The following CAMTA1 variants were observed in gnomAD, a reference collection of about 807,000 sequenced individuals.
CAMTA1 encodes the protein calmodulin binding transcription activator 1.
Under a neutral mutation model 170.9 loss-of-function variants are expected in CAMTA1, and 27 were observed. That is an observed-to-expected ratio of 0.16 (90% CI 0.12 to 0.22). CAMTA1 has a LOEUF of 0.22. CAMTA1 is among the 10% of genes least tolerant of loss of function. CAMTA1 has a pLI of 1.00. For missense variants in CAMTA1, 1,619 were observed against 2,217.2 expected (o/e 0.73, Z 5.42); for synonymous variants, 833 against 891.5 (o/e 0.93, Z 1.17).
At chr1:7,177,551 C>T (rs1210970085) in intron 4 of CAMTA1, among the ~76,000 whole-genome samples, 2 of 149,722 alleles carry the variant, frequency 1.3e-5, no homozygotes, top group Middle Eastern at 3.3e-3. Context: ...AGACCCCTCC[C>T]ACATACTGAG....
chr1:6,914,808 C>T (rs1358423555), intron 3 of CAMTA1, among the ~76,000 whole-genome samples: 1 of 152,238 alleles, frequency 6.6e-6, no homozygotes, highest in African/African-American at 2.4e-5. Context: ...GGATGTTACT[C>T]TGCGTTTTTT....
chr1:7,280,729 G>T (rs763542546), intron 5 of CAMTA1, among the ~76,000 whole-genome samples: 1 of 152,154 alleles, frequency 6.6e-6, no homozygotes, highest in Non-Finnish European at 1.5e-5. Flanking sequence ...CTATAGTTGC[G>T]CATTTTTCAT....
chr1:7,695,637 G>A (rs1158534548), intron 11 of CAMTA1, among the ~76,000 whole-genome samples: 5 of 152,146 alleles, frequency 3.3e-5, no homozygotes, highest in Admixed American at 3.3e-4. Flanking sequence ...ATTGGTTCCA[G>A]AGCCAGTGAG....
chr1:7,264,300 G>A (rs767557772), intron 5 of CAMTA1, among the ~76,000 whole-genome samples: 4 of 152,186 alleles, frequency 2.6e-5, no homozygotes, highest in Non-Finnish European at 4.4e-5. Flanking sequence ...TTGTGGAAGT[G>A]AAGTCAGTTG....
intron 5 of CAMTA1, among the ~76,000 whole-genome samples, chr1:7,430,560 A>T (rs539751925): frequency 1.3e-5 from 2 of 151,998 alleles, no homozygotes; most frequent in Non-Finnish European, 2.9e-5. Context: ...GAGGATGACG[A>T]TGATGGGGAT....
Position 7,751,375 on chromosome 1 carries a change from T to C in CAMTA1, c.4866T>C (p.Ile1622=), listed in dbSNP as rs2096896073. ...KRRQARRTAV[I]VQQKLRSSLL... is the part of the protein sequence containing the mutation. ...GGCAGGCTCGCCGGACGGCTGTGAT[T>C]GTACAACAGAAACTCAGGTGGGTGG... Residue 1622 remains isoleucine, a synonymous_variant, in exon 20 of 23, where the codon ATT becomes ATC. Transcript: ENST00000303635. 6.3e-7 allele frequency: 1 copy of C among 1,597,006 alleles called. No homozygotes were observed. The highest frequency in any genetic ancestry group is 1.1e-5 in the South Asian group (1 of 88,448).
At chr1:7,083,441 TG>T (rs1030128873) in intron 3 of CAMTA1, among the ~76,000 whole-genome samples, 3 of 152,084 alleles carry the variant, frequency 2.0e-5, no homozygotes, top group African/African-American at 7.2e-5. Flanking sequence ...GACCTGTGGG[TG>T]GGGGGTCCGG....
chr1:7,011,543 CCT>C (rs1189184066), intron 3 of CAMTA1, among the ~76,000 whole-genome samples: 1 of 152,132 alleles, frequency 6.6e-6, no homozygotes, highest in Non-Finnish European at 1.5e-5. Flanking sequence ...GCGGGGGGGC[CCT>C]CTCCTCATTC....
At chr1:6,908,111 G>A (rs1678941441) in intron 3 of CAMTA1, among the ~76,000 whole-genome samples, 1 of 152,138 alleles carries the variant, frequency 6.6e-6, no homozygotes, top group African/African-American at 2.4e-5. Flanking sequence ...CCTGTGACTT[G>A]AGAACCCCTT....
At chr1:7,315,312 G>T (rs1166625058) in intron 5 of CAMTA1, among the ~76,000 whole-genome samples, 1 of 152,218 alleles carries the variant, frequency 6.6e-6, no homozygotes, top group Non-Finnish European at 1.5e-5. Context: ...GATAGGCCTT[G>T]GCCTGACTCT....
Position 7,565,711 on chromosome 1 carries a change from T to C in CAMTA1, c.511-74689T>C, listed in dbSNP as rs971438338. Among the ~76,000 whole-genome samples, 4 of 152,108 alleles carry C rather than the reference T, an allele frequency of 2.6e-5. No homozygotes were observed. The highest frequency in any genetic ancestry group is 5.9e-5 in the Non-Finnish European group (4 of 68,020). On this transcript the variant is annotated intron_variant, in intron 6 of 22. Coordinates refer to ENST00000303635, the MANE Select transcript of CAMTA1 (RefSeq NM_015215.4). The surrounding 1 kb of genome is among the most constrained non-coding windows in gnomAD (Gnocchi z 4.5). ...ATTCCTGGGTATTTTCTGGGGGCTG[T>C]TTTATGTTGTTTGTTTTGTCCTCGT...
At chr1:7,487,799 C>T (rs1286552091) in intron 6 of CAMTA1, among the ~76,000 whole-genome samples, 1 of 152,218 alleles carries the variant, frequency 6.6e-6, no homozygotes, top group Non-Finnish European at 1.5e-5. Context: ...ATCCCAGGCC[C>T]TTGTCTGTCC....
chr1:6,856,615 C>A (rs1280121355), intron 3 of CAMTA1, among the ~76,000 whole-genome samples: 2 of 152,004 alleles, frequency 1.3e-5, no homozygotes, highest in Non-Finnish European at 2.9e-5. Flanking sequence ...TAAAATCTTG[C>A]TTTCAAAGGG....
chr1:7,315,327 G>T (rs1677328725), intron 5 of CAMTA1, among the ~76,000 whole-genome samples: 2 of 152,228 alleles, frequency 1.3e-5, no homozygotes, highest in South Asian at 2.1e-4. Context: ...GACTCTATTT[G>T]TCGGGGAGGC....
At chr1:7,406,898 T>G (rs1175498041) in intron 5 of CAMTA1, among the ~76,000 whole-genome samples, 1 of 152,112 alleles carries the variant, frequency 6.6e-6, no homozygotes, top group Non-Finnish European at 1.5e-5. Context: ...GATATTTGCA[T>G]AAACCACTCC....
intron 3 of CAMTA1, among the ~76,000 whole-genome samples, chr1:6,906,954 G>A (rs1557803939): frequency 1.3e-5 from 2 of 152,216 alleles, no homozygotes; most frequent in South Asian, 4.1e-4. Context: ...AGAGGTGGGA[G>A]CTGTTGTCTC....
At position 7,122,489 on chromosome 1, in the gene CAMTA1, G is replaced by A. The variant is rs529809983; in HGVS notation, c.302+31118G>A. 1.8e-4 allele frequency among the ~76,000 whole-genome samples: 28 copies of A among 152,240 alleles called. No individual in the cohort carries two copies. The South Asian group carries it at 5.0e-3, about 27-fold the overall frequency. On this transcript the variant is annotated intron_variant, in intron 4 of 22. Coordinates refer to ENST00000303635, the MANE Select transcript of CAMTA1 (RefSeq NM_015215.4). ...GTCCCTGAAAGTGCAGTGGACAGAC[G>A]GGAGGACACGTGCCCCTGAGGGATG... is the stretch of plus-strand genomic sequence containing the variant.
chr1:6,811,864 A>G (rs1300712696), intron 1 of CAMTA1, among the ~76,000 whole-genome samples: 1 of 152,226 alleles, frequency 6.6e-6, no homozygotes, highest in East Asian at 1.9e-4. Flanking sequence ...TTGCTCTGTT[A>G]CGAGAAACAG....
At chr1:7,733,413 A>G (rs1197422880) in intron 12 of CAMTA1, among the ~76,000 whole-genome samples, 1 of 152,228 alleles carries the variant, frequency 6.6e-6, no homozygotes. Flanking sequence ...GTAATGATTC[A>G]GTGTAGAATG....
Sources: gnomAD v4.1 joint callset for allele counts (sites outside exome capture counted in the v4.1 genomes callset) on GRCh38, gnomAD v4.1.1 for gene constraint, Gnocchi (gnomAD v3.1) non-coding constraint, MANE v1.5 for transcripts, NCBI Gene and HGNC (gene_info 2026-07-23, HGNC 2026-07-21) for gene names.